Variants in CFAP410 observed in about 807,000 individuals in gnomAD.
CFAP410 encodes the protein cilia and flagella associated protein 410.
A neutral mutation model predicts 25.7 loss-of-function variants in CFAP410; 27 were observed. The ratio of observed to expected loss-of-function variants is 1.05; its 90% CI spans 0.77 to 1.45. The LOEUF (loss-of-function observed/expected upper bound fraction) is 1.45. Ranked by LOEUF, CFAP410 falls within the 40% of genes most tolerant of loss-of-function variation. The pLI, the probability that CFAP410 is intolerant of heterozygous loss-of-function variation, is 0.00. For missense variants in CFAP410, 428 were observed against 354.1 expected (o/e 1.21, Z -1.67); for synonymous variants, 178 against 158.4 (o/e 1.12, Z -0.93).
rs2047621146 is a variant in CFAP410, at chr21:44,330,331, G to A, written c.643-5C>T. 1 of 1,608,580 alleles carries A rather than the reference G, an allele frequency of 6.2e-7. No homozygotes were observed. The highest frequency in any genetic ancestry group is 1.3e-5 in the African/African-American group (1 of 74,992). On this transcript the variant is annotated splice_polypyrimidine_tract_variant and splice_region_variant and intron_variant, in intron 6 of 6. Coordinates refer to ENST00000339818, the MANE Select transcript of CFAP410 (RefSeq NM_004928.3). ...CAGGATGGCAGTCAGGACGTTCTGA[G>A]GGCAGAGGGGTGCGGACTAAGCCCA...
intron 3 of CFAP410, chr21:44,333,752 A>G (rs1375520702): frequency 2.3e-5 from 7 of 306,134 alleles, no homozygotes; most frequent in Non-Finnish European, 3.2e-5. Context: ...TCCATTCTAC[A>G]GAACGTGGAC....
In CFAP410 at chr21:44,336,031, C is replaced by T. The variant is rs61431795; in HGVS notation, c.97-227G>A. Among the ~76,000 whole-genome samples, 696 of 80,996 alleles carry T rather than the reference C, an allele frequency of 8.6e-3. 28 individuals are homozygous for T. The highest frequency in any genetic ancestry group is 0.033 in the African/African-American group (655 of 19,578). 53.1% of individuals were successfully genotyped at this position (80,996 alleles called of 152,430 possible). The stretch of plus-strand genomic sequence containing the variant: ...AATGCCCAGGGCCTGAGGGGAGCGG[C>T]CCTGCTCAGCCAGTGTGCCCAGGGT... On this transcript the variant is annotated intron_variant, in intron 2 of 6. Transcript: ENST00000339818.
At chr21:44,333,008 C>T (rs947037010) in intron 4 of CFAP410, 25 bp downstream of exon 4, 50 of 1,486,514 alleles carry the variant, frequency 3.4e-5, no homozygotes, top group Middle Eastern at 3.5e-4. Flanking sequence ...TTGGGAGGGC[C>T]GGTGACTCCG....
In CFAP410 at chr21:44,333,158, A is replaced by G; in HGVS notation, c.248T>C (p.Leu83Pro). Residue 83 changes from leucine (L) to proline (P), a missense_variant, in exon 4 of 7, where the codon CTG becomes CCG. Physicochemically the swap from Leu to Pro is moderately conservative, Grantham distance 98. Coordinates refer to ENST00000339818, the MANE Select transcript of CFAP410 (RefSeq NM_004928.3). ...RIPSLAELFY[L>P]KGLPRLRVLW... ...CACCCGCAGACGCGGCAGCCCCTTC[A>G]GGTAGAAGAGCTCAGCCAGGCTGGG... 1 of 1,612,638 alleles carries G rather than the reference A, an allele frequency of 6.2e-7. No homozygotes were observed. The highest frequency in any genetic ancestry group is 8.5e-7 in the Non-Finnish European group (1 of 1,179,832).
Position 44,339,223 on chromosome 21 carries a change from G to A in CFAP410, c.-29C>T. The A allele has an allele frequency of 2.2e-6, 3 of 1,388,240 alleles. No individual in the cohort carries two copies. Among genetic ancestry groups the A allele is most frequent in the Non-Finnish European group, 1.9e-6 (2 of 1,058,288 alleles). The allele number at this position is 1,388,240 out of a possible 1,614,324, so 86.0% of individuals were successfully genotyped here. ...GGCCGCCCAGGCCCGACCGGCGGGC[G>A]CCCCCGGCCTCCTGATCCCGGGCGG... is the stretch of plus-strand genomic sequence containing the variant. On this transcript the variant is annotated 5_prime_UTR_variant, in exon 1 of 7. Coordinates refer to ENST00000339818, the MANE Select transcript of CFAP410 (RefSeq NM_004928.3).
Position 44,339,216 on chromosome 21 carries a change from G to A in CFAP410, c.-22C>T. The stretch of plus-strand genomic sequence containing the variant: ...TCATGGCGGCCGCCCAGGCCCGACC[G>A]GCGGGCGCCCCCGGCCTCCTGATCC... On this transcript the variant is annotated 5_prime_UTR_variant, in exon 1 of 7. Coordinates refer to ENST00000339818, the MANE Select transcript of CFAP410 (RefSeq NM_004928.3). The A allele has an allele frequency of 1.4e-6, 2 of 1,421,354 alleles. No homozygotes were observed. Among genetic ancestry groups the A allele is most frequent in the South Asian group, 1.5e-5 (1 of 68,670 alleles). 88.0% of individuals were successfully genotyped at this position (1,421,354 alleles called of 1,614,324 possible).
chr21:44,336,811 T>A (rs926303180), intron 2 of CFAP410: 3 of 151,990 alleles, frequency 2.0e-5, no homozygotes, highest in Non-Finnish European at 4.4e-5. Context: ...GCGCTGGACA[T>A]GGTGGCTCAT....
chr21:44,332,125 G>C (rs1251218427), intron 4 of CFAP410, 111 bp from the exon 5 acceptor site: 2 of 847,600 alleles, frequency 2.4e-6, no homozygotes, highest in African/African-American at 1.7e-5. Context: ...CTTGTGAAAT[G>C]CATGCACGTG....
In CFAP410 at chr21:44,335,771, C is replaced by A; in HGVS notation, c.130G>T (p.Val44Leu). The stretch of plus-strand genomic sequence containing the variant: ...GGAGCGAGGTACCTGAGCGTGATCA[C>A]CTCCAGGCTGGGCATCTCCTGGCAA... ...SICQEMPSLE[V>L]ITLSVNSIST... is the part of the protein sequence containing the mutation. The change falls in exon 3 of 7, where the codon GTG becomes TTG. Residue 44 changes from valine (V) to leucine (L), a missense_variant. Coordinates refer to ENST00000339818, the MANE Select transcript of CFAP410 (RefSeq NM_004928.3). The A allele has an allele frequency of 6.3e-7, 1 of 1,591,866 alleles. No individual in the cohort carries two copies. The highest frequency in any genetic ancestry group is 8.6e-7 in the Non-Finnish European group (1 of 1,168,436).
chr21:44,335,561 A>G, intron 3 of CFAP410, 197 bp downstream of exon 3: 1 of 602,358 alleles, frequency 1.7e-6, no homozygotes, highest in Non-Finnish European at 3.0e-6. Context: ...TGAGGCTCTG[A>G]GGAAGGAGGG....
In CFAP410 at chr21:44,329,810, C is replaced by A. The variant is rs73907169; in HGVS notation, c.*388G>T. On this transcript the variant is annotated 3_prime_UTR_variant, in exon 7 of 7. Coordinates refer to ENST00000339818, the MANE Select transcript of CFAP410 (RefSeq NM_004928.3). Reference sequence around the variant, plus strand: ...GAATCGGCAAAGCCATCCGTGAAGACCTCCTCATTCTGTGGAGAAACGGCC... The same window carrying A: ...GAATCGGCAAAGCCATCCGTGAAGAACTCCTCATTCTGTGGAGAAACGGCC... 3,261 of 204,580 alleles carry A rather than the reference C, an allele frequency of 0.016. 131 individuals are homozygous for A. The highest frequency in any genetic ancestry group is 0.072 in the African/African-American group (3,071 of 42,674). The allele number at this position is 204,580 out of a possible 1,614,324, so 12.7% of individuals were successfully genotyped here. A position where few individuals can be genotyped will look rare whatever the true frequency, so the allele number is the denominator to read the frequency against.
chr21:44,338,945 GCTCCGCCCTCTCCCCGCCCCGGCTC>G lies in CFAP410; in HGVS notation c.77+148_77+172del, dbSNP rs2047811934. Among the ~76,000 whole-genome samples, 2 of 81,602 alleles carry G rather than the reference GCTCCGCCCTCTCCCCGCCCCGGCTC, an allele frequency of 2.5e-5. 1 individual carries two copies. Among genetic ancestry groups the G allele is most frequent in the Non-Finnish European group, 4.9e-5 (2 of 40,666 alleles). The allele number at this position is 81,602 out of a possible 152,430, so 53.5% of individuals were successfully genotyped here. On this transcript the variant is annotated intron_variant, in intron 1 of 6. Coordinates refer to ENST00000339818, the MANE Select transcript of CFAP410 (RefSeq NM_004928.3). Reference sequence around the variant, plus strand: ...CCGGCTCCGCCCTCTCCCCGCCCCGGCTCCGCCCTCTCCCCGCCCCGGCTCCTCCCTCCGGCTCCGCCCTCGTCCC... The same window carrying G: ...CCGGCTCCGCCCTCTCCCCGCCCCGGCTCCCTCCGGCTCCGCCCTCGTCCC...
intron 6 of CFAP410, 67 bp from the exon 7 acceptor site, chr21:44,330,393 G>A: frequency 3.2e-6 from 5 of 1,577,802 alleles, no homozygotes; most frequent in Non-Finnish European, 4.3e-6. Flanking sequence ...CACAAGGGCT[G>A]GGGCCTGGCC....
intron 3 of CFAP410, chr21:44,334,620 C>A (rs1158304104): frequency 3.4e-6 from 1 of 291,006 alleles, no homozygotes; most frequent in Non-Finnish European, 6.7e-6. Context: ...GGGGTGGGCA[C>A]TTGTAATACC....
intron 1 of CFAP410, chr21:44,338,249 G>A (rs539049448): frequency 1.6e-6 from 2 of 1,264,678 alleles, no homozygotes; most frequent in East Asian, 1.2e-4. Flanking sequence ...GCAGTCTGCG[G>A]ACACCCCTGG....
In CFAP410 at chr21:44,331,849, T is replaced by G. The variant is rs369935156; in HGVS notation, c.539A>C (p.Glu180Ala). 13 of 1,610,574 alleles carry G rather than the reference T, an allele frequency of 8.1e-6. No individual in the cohort carries two copies. The South Asian group carries it at 9.9e-5, about 12-fold the overall frequency. Residue 180 changes from glutamate (E) to alanine (A), a missense_variant, in exon 5 of 7, where the codon GAG becomes GCG. Transcript: ENST00000339818. ...TGRDPLDSEE[E>A]ATSGAQDERG... ...CGCTGCCCTCCAGCCTCACGTTGCC[T>G]CCTCCTCGCTGTCCAGCGGGTCCCG...
chr21:44,330,276 C>G lies in CFAP410; in HGVS notation c.693G>C (p.Gly231=). Residue 231 remains glycine, a synonymous_variant, in exon 7 of 7, where the codon GGG becomes GGC. Transcript: ENST00000339818. Reference sequence around the variant, plus strand: ...CCACAGTCTGCTGCACGGCCTCCAGCCCCTCTGCATCCAGCTCCCGCAGCA... The same window carrying G: ...CCACAGTCTGCTGCACGGCCTCCAGGCCCTCTGCATCCAGCTCCCGCAGCA... ...LLLLRELDAE[G]LEAVQQTVGS... The G allele has an allele frequency of 6.2e-7, 1 of 1,607,854 alleles. No homozygotes were observed. The highest frequency in any genetic ancestry group is 8.5e-7 in the Non-Finnish European group (1 of 1,178,342).
Position 44,339,220 on chromosome 21 carries a change from G to A in CFAP410, c.-26C>T. The A allele has an allele frequency of 7.1e-7, 1 of 1,403,478 alleles. No homozygotes were observed. Among genetic ancestry groups the A allele is most frequent in the South Asian group, 1.5e-5 (1 of 67,214 alleles). 86.9% of individuals were successfully genotyped at this position (1,403,478 alleles called of 1,614,324 possible). ...GGCGGCCGCCCAGGCCCGACCGGCG[G>A]GCGCCCCCGGCCTCCTGATCCCGGG... On this transcript the variant is annotated 5_prime_UTR_variant, in exon 1 of 7. Transcript: ENST00000339818.
intron 3 of CFAP410, chr21:44,334,083 GGA>G (rs1397722660): frequency 2.2e-6 from 1 of 455,924 alleles, no homozygotes; most frequent in Non-Finnish European, 4.4e-6. Context: ...TCCGGCTGTG[GGA>G]CTCTTTCCAG....
Sources: gnomAD v4.1 joint callset for allele counts (sites outside exome capture counted in the v4.1 genomes callset) on GRCh38, gnomAD v4.1.1 for gene constraint, MANE v1.5 for transcripts, NCBI Gene and HGNC (gene_info 2026-07-23, HGNC 2026-07-21) for gene names.